Variants in SNRNP200 observed in about 807,000 individuals in gnomAD.
SNRNP200 encodes small nuclear ribonucleoprotein U5 subunit 200, also known as U5 small nuclear ribonucleoprotein 200 kDa helicase.
SNRNP200 carries 66 observed loss-of-function variants against 255.2 expected under a neutral mutation model. The observed-to-expected ratio is 0.26, with a 90% CI of 0.21 to 0.32. SNRNP200 has a LOEUF of 0.32. Among genes scored for constraint, SNRNP200 ranks in the 10% least tolerant of loss-of-function variants. SNRNP200 has a pLI of 1.00. For missense variants in SNRNP200, 1,585 were observed against 2,749.8 expected, an observed-to-expected ratio of 0.58 and a Z score of 9.47; for synonymous variants, 939 against 1,027.8, an observed-to-expected ratio of 0.91 and a Z score of 1.65.
Position 96,290,576 on chromosome 2 carries a change from G to A in SNRNP200, c.2554-62C>T. On this transcript the variant is annotated intron_variant, in intron 19 of 44. Transcript: ENST00000323853. The surrounding 1 kb of genome is among the most constrained non-coding windows in gnomAD (Gnocchi z 4.5). Reference sequence around the variant, plus strand: ...AGAGAATGTCTGAATTTTGATGCAGGTATCTACATTACAGAACTAGACCTC... The same window carrying A: ...AGAGAATGTCTGAATTTTGATGCAGATATCTACATTACAGAACTAGACCTC... 1 of 1,611,624 alleles carries A rather than the reference G, an allele frequency of 6.2e-7. No individual in the cohort carries two copies.
In SNRNP200 at chr2:96,291,775, C is replaced by T. The variant is rs1315024497; in HGVS notation, c.2286G>A (p.Leu762=). The change falls in exon 17 of 45, where the codon CTG becomes CTA. Residue 762 remains leucine (L), a synonymous_variant. Transcript: ENST00000323853. The surrounding 1 kb of genome is among the most constrained non-coding windows in gnomAD (Gnocchi z 4.2). The part of the protein sequence containing the change: ...LREGSASTEV[L]RTEAEQCKNL... ...CCTTGCACTGCTCAGCTTCTGTTCGCAGGACTTCTGTGGAGGCTGAGCCCT... is the reference window on the plus strand; with the variant it reads ...CCTTGCACTGCTCAGCTTCTGTTCGTAGGACTTCTGTGGAGGCTGAGCCCT... The T allele has an allele frequency of 1.9e-6, 3 of 1,614,164 alleles. No individual in the cohort carries two copies. Among genetic ancestry groups the T allele is most frequent in the African/African-American group, 2.7e-5 (2 of 75,040 alleles).
chr2:96,283,343 G>A lies in SNRNP200; in HGVS notation c.4773C>T (p.His1591=). 1 of 1,614,150 alleles carries A rather than the reference G, an allele frequency of 6.2e-7. No homozygotes were observed. Among genetic ancestry groups the A allele is most frequent in the Non-Finnish European group, 8.5e-7 (1 of 1,180,032 alleles). The change falls in exon 34 of 45, where the codon CAC becomes CAT. Residue 1591 remains histidine, a synonymous_variant. Coordinates refer to ENST00000323853, the MANE Select transcript of SNRNP200 (RefSeq NM_014014.5). The surrounding 1 kb of genome is among the most constrained non-coding windows in gnomAD (Gnocchi z 4.7). ...ACGGAATCAGATCCTTCTCGGTGCA[G>A]TGCAAGAACCTGTGCGGTACAGGCA... ...AADIQRQRFL[H]CTEKDLIPYL...
rs777513421 is a variant in SNRNP200 at position 96,286,778 on chromosome 2, G to C, written c.3739C>G (p.Gln1247Glu). Residue 1247 changes from glutamine (Q) to glutamate (E), a missense_variant, in exon 28 of 45, where the codon CAG becomes GAG. Transcript: ENST00000323853. The surrounding 1 kb of genome is among the most constrained non-coding windows in gnomAD (Gnocchi z 4.8). ...AAGAATGTAATGAGGTGCTCGTCCT[G>C]GGCGTACTTGGCCTTGAGGAGAAAA... ...EYFLLKAKYAQDEHLITFFVP... is the reference protein window; with the variant it reads ...EYFLLKAKYAEDEHLITFFVP... The C allele has an allele frequency of 8.7e-6, 14 of 1,614,190 alleles. No individual in the cohort carries two copies. The highest frequency in any genetic ancestry group is 1.2e-5 in the Non-Finnish European group (14 of 1,180,038).
intron 35 of SNRNP200, 23 bp downstream of exon 35, chr2:96,281,789 AAC>A (rs1553439537): frequency 6.6e-7 from 1 of 1,522,758 alleles, no homozygotes. Context: ...GGTCTGTGCT[AAC>A]ACAGAGCACC....
intron 30 of SNRNP200, 152 bp from the exon 31 acceptor site, chr2:96,284,737 G>A (rs1297945242): frequency 1.5e-6 from 1 of 650,944 alleles, no homozygotes; most frequent in Non-Finnish European, 2.7e-6. Context: ...CGATGCGATG[G>A]GGCAGCTTTT....
chr2:96,283,697 T>C lies in SNRNP200; in HGVS notation c.4601A>G (p.His1534Arg). ...ELHIQGFNIS[H>R]TQTRLLSMAK... ...CATGGAGAGCAGGCGGGTTTGTGTA[T>C]GGCTGATGTTGAAGCCCTGGCGACC... The change falls in exon 33 of 45, where the codon CAT (histidine) becomes CGT (arginine). Residue 1534 changes from histidine (H) to arginine (R), a missense_variant. This residue lies in a region of SNRNP200 where 719 missense variants were observed against 1,091.1 expected (regional missense o/e 0.66). Coordinates refer to ENST00000323853, the MANE Select transcript of SNRNP200 (RefSeq NM_014014.5). The surrounding 1 kb of genome is among the most constrained non-coding windows in gnomAD (Gnocchi z 4.7). 6.2e-7 allele frequency: 1 copy of C among 1,614,056 alleles called. No homozygotes were observed. The highest frequency in any genetic ancestry group is 8.5e-7 in the Non-Finnish European group (1 of 1,180,028).
rs940945676 is a variant in SNRNP200 at position 96,274,880 on chromosome 2, G to A, written c.*132C>T. On this transcript the variant is annotated 3_prime_UTR_variant, in exon 45 of 45. Coordinates refer to ENST00000323853, the MANE Select transcript of SNRNP200 (RefSeq NM_014014.5). ...CAAGGGAAAGGAAGTGGAGGTAGGCGGGGACAGCACCAGCCCTGGCTGGCC... is the reference window on the plus strand; with the variant it reads ...CAAGGGAAAGGAAGTGGAGGTAGGCAGGGACAGCACCAGCCCTGGCTGGCC... The A allele has an allele frequency of 1.6e-5, 15 of 959,180 alleles. No homozygotes were observed. Among genetic ancestry groups the A allele is most frequent in the East Asian group, 9.5e-5 (4 of 41,906 alleles). 59.4% of individuals were successfully genotyped at this position (959,180 alleles called of 1,614,324 possible).
rs2063852996 is a variant in SNRNP200 at position 96,287,866 on chromosome 2, C to T, written c.3362G>A (p.Arg1121His). ...TLNLCKMIDK[R>H]MWQSMCPLRQ... ...ATCCAGCTCACTGGGTCCTTACATG[C>T]GTTTGTCGATCATCTTGCAGAGGTT... Residue 1121 changes from arginine (R) to histidine (H), a missense_variant, in exon 25 of 45, where the codon CGC becomes CAC. This residue lies in a region of SNRNP200 where 719 missense variants were observed against 1,091.1 expected (regional missense o/e 0.66). Coordinates refer to ENST00000323853, the MANE Select transcript of SNRNP200 (RefSeq NM_014014.5). The surrounding 1 kb of genome is among the most constrained non-coding windows in gnomAD (Gnocchi z 5.7). 4 of 1,613,770 alleles carry T rather than the reference C, an allele frequency of 2.5e-6. No individual in the cohort carries two copies. The highest frequency in any genetic ancestry group is 2.2e-5 in the South Asian group (2 of 91,088).
rs2063881969 is a variant in SNRNP200 at position 96,291,144 on chromosome 2, G to A, written c.2421+248C>T. On this transcript the variant is annotated intron_variant, in intron 18 of 44. Coordinates refer to ENST00000323853, the MANE Select transcript of SNRNP200 (RefSeq NM_014014.5). The surrounding 1 kb of genome is among the most constrained non-coding windows in gnomAD (Gnocchi z 4.2). The stretch of plus-strand genomic sequence containing the variant: ...CGCGTGCCCCCATGAGACACTGTTT[G>A]GAGCTATCTGAAGTCACCAAAGTGC... Among the ~76,000 whole-genome samples the A allele has an allele frequency of 6.6e-6, 1 of 152,108 alleles. No homozygotes were observed. Among genetic ancestry groups the A allele is most frequent in the Admixed American group, 6.5e-5 (1 of 15,276 alleles).
chr2:96,280,466 C>G (rs190200139), intron 35 of SNRNP200, among the ~76,000 whole-genome samples: 6 of 152,154 alleles, frequency 3.9e-5, no homozygotes, highest in African/African-American at 1.4e-4. Flanking sequence ...CCACCGCATT[C>G]CAGCCTAAAC....
At chr2:96,279,760 T>G (rs1684728462) in intron 35 of SNRNP200, 5 of 569,960 alleles carry the variant, frequency 8.8e-6, no homozygotes, top group Non-Finnish European at 1.3e-5. Flanking sequence ...GTATTCAGTG[T>G]AAGGGCCATG....
intron 35 of SNRNP200, among the ~76,000 whole-genome samples, chr2:96,280,770 G>A (rs1020775533): frequency 6.6e-6 from 1 of 150,722 alleles, no homozygotes; most frequent in African/African-American, 2.4e-5. Context: ...GACTGGTCTC[G>A]AACTCCTGAC....
chr2:96,279,736 T>G, intron 35 of SNRNP200, 177 bp from the exon 36 acceptor site: 1 of 628,752 alleles, frequency 1.6e-6, no homozygotes, highest in Non-Finnish European at 2.9e-6. Context: ...CTGGCTGGCC[T>G]GTATAACATT....
chr2:96,290,077 T>C lies in SNRNP200; in HGVS notation c.2743-81A>G. The C allele has an allele frequency of 7.4e-7, 1 of 1,349,886 alleles. No homozygotes were observed. The highest frequency in any genetic ancestry group is 1.8e-4 in the Middle Eastern group (1 of 5,542). The allele number at this position is 1,349,886 out of a possible 1,614,324, so 83.6% of individuals were successfully genotyped here. Reference sequence around the variant, plus strand: ...CAGGCTCCCATGAATTGCTTAGAAATTAATTCCCAACTACAAGGATGCATA... The same window carrying C: ...CAGGCTCCCATGAATTGCTTAGAAACTAATTCCCAACTACAAGGATGCATA... On this transcript the variant is annotated intron_variant, in intron 20 of 44. Coordinates refer to ENST00000323853, the MANE Select transcript of SNRNP200 (RefSeq NM_014014.5). The surrounding 1 kb of genome is among the most constrained non-coding windows in gnomAD (Gnocchi z 4.5).
chr2:96,283,189 G>T lies in SNRNP200; in HGVS notation c.4915+12C>A, dbSNP rs2063816097. The T allele has an allele frequency of 6.2e-7, 1 of 1,613,734 alleles. No individual in the cohort carries two copies. Among genetic ancestry groups the T allele is most frequent in the African/African-American group, 1.3e-5 (1 of 74,928 alleles). On this transcript the variant is annotated intron_variant, in intron 34 of 44. Transcript: ENST00000323853. This position sits in a 1 kb window ranked among gnomAD's most constrained non-coding sequence, Gnocchi z 4.7. Reference sequence around the variant, plus strand: ...TACCCTTGCTATGCTCCCCTTCCGTGGCCTGACTTACCTGAGCTGAAGAGC... The same window carrying T: ...TACCCTTGCTATGCTCCCCTTCCGTTGCCTGACTTACCTGAGCTGAAGAGC...
rs2063827513 is a variant in SNRNP200 at position 96,284,244 on chromosome 2, A to C, written c.4392+114T>G. 12 of 971,522 alleles carry C rather than the reference A, an allele frequency of 1.2e-5. No homozygotes were observed. The South Asian group carries it at 1.6e-4, about 13-fold the overall frequency. 60.2% of individuals were successfully genotyped at this position (971,522 alleles called of 1,614,324 possible). ...CCCTTTGGAATAGGGCAGCAGGTAG[A>C]ATCCTCTGGGGAGAAGCCCCGAGCC... On this transcript the variant is annotated intron_variant, in intron 31 of 44. Transcript: ENST00000323853.
chr2:96,274,554 CCCT>C lies in SNRNP200; in HGVS notation c.*455_*457del, dbSNP rs1684620497. ...TGAGGCCAGGCCACAGTCGCATGTA[CCCT>C]CCTCTGGGCTGACTCACGAGGCTAC... On this transcript the variant is annotated 3_prime_UTR_variant, in exon 45 of 45. Coordinates refer to ENST00000323853, the MANE Select transcript of SNRNP200 (RefSeq NM_014014.5). 2 of 256,988 alleles carry C rather than the reference CCCT, an allele frequency of 7.8e-6. No individual in the cohort carries two copies. Among genetic ancestry groups the C allele is most frequent in the Non-Finnish European group, 1.5e-5 (2 of 130,682 alleles). 15.9% of individuals were successfully genotyped at this position (256,988 alleles called of 1,614,324 possible).
At position 96,304,821 on chromosome 2, in the gene SNRNP200, G is replaced by A. The variant is rs886056468; in HGVS notation, c.93C>T (p.Thr31=). ...CCTCTCCTGTGGGTTCATCCCGGCGGGTCCGGTCAATGAGAGAACGGTCAG... is the reference window on the plus strand; with the variant it reads ...CCTCTCCTGTGGGTTCATCCCGGCGAGTCCGGTCAATGAGAGAACGGTCAG... ...LQADRSLIDR[T]RRDEPTGEVL... The change falls in exon 2 of 45, where the codon ACC becomes ACT. Residue 31 remains threonine, a synonymous_variant. Coordinates refer to ENST00000323853, the MANE Select transcript of SNRNP200 (RefSeq NM_014014.5). 5.0e-6 allele frequency: 8 copies of A among 1,614,026 alleles called. No individual in the cohort carries two copies. Among genetic ancestry groups the A allele is most frequent in the Non-Finnish European group, 6.8e-6 (8 of 1,180,046 alleles).
chr2:96,303,058 C>T, intron 3 of SNRNP200, 101 bp downstream of exon 3: 1 of 1,330,894 alleles, frequency 7.5e-7, no homozygotes, highest in African/African-American at 1.4e-5. Context: ...CATCAGCATA[C>T]AAAAAGATAC....
Sources: gnomAD v4.1 joint callset for allele counts (sites outside exome capture counted in the v4.1 genomes callset) on GRCh38, gnomAD v4.1.1 for gene constraint, gnomAD v4.1.1 regional missense constraint, Gnocchi (gnomAD v3.1) non-coding constraint, MANE v1.5 for transcripts, NCBI Gene and HGNC (gene_info 2026-07-23, HGNC 2026-07-21) for gene names.